The following EIF2B5 variants were observed in gnomAD, a reference collection of about 807,000 sequenced individuals.
EIF2B5 encodes the protein eukaryotic translation initiation factor 2B subunit epsilon.
Under a neutral mutation model 87.3 loss-of-function variants are expected in EIF2B5, and 38 were observed. That is an observed-to-expected ratio of 0.44 (90% CI 0.34 to 0.57). EIF2B5 has a LOEUF of 0.57. Ranked by LOEUF, EIF2B5 falls within the 20% of genes least tolerant of loss-of-function variation. The probability of loss-of-function intolerance (pLI) is 0.02; values close to 1 mark genes in which losing one functional copy is unlikely to be tolerated. For missense variants in EIF2B5, 784 were observed against 909.5 expected, an observed-to-expected ratio of 0.86 and a Z score of 1.78; for synonymous variants, 313 against 339.6, an observed-to-expected ratio of 0.92 and a Z score of 0.86.
At chr3:184,143,413 G>A in intron 12 of EIF2B5, 29 bp from the exon 13 acceptor site, 1 of 1,614,084 alleles carries the variant, frequency 6.2e-7, no homozygotes, top group Middle Eastern at 1.6e-4. Flanking sequence ...GCCAGTGAAG[G>A]CCCTGGTGTC....
intron 13 of EIF2B5, 22 bp downstream of exon 13, chr3:184,143,587 G>A: frequency 1.2e-6 from 2 of 1,614,186 alleles, no homozygotes; most frequent in Non-Finnish European, 1.7e-6. Flanking sequence ...TTGGAGCTGA[G>A]TACAAGGGAT....
chr3:184,135,786 C>A, intron 1 of EIF2B5: 1 of 662,714 alleles, frequency 1.5e-6, no homozygotes, highest in Non-Finnish European at 2.6e-6. Context: ...GTAATGCTGT[C>A]CACCTCGGGT....
intron 5 of EIF2B5, 73 bp from the exon 6 acceptor site, chr3:184,140,006 GA>G: frequency 8.0e-7 from 1 of 1,243,770 alleles, no homozygotes. Flanking sequence ...CTGGGCAACA[GA>G]GCTAGACTTG....
rs543846542 is a variant in EIF2B5, at chr3:184,144,694, G to T, written c.2093G>T (p.Arg698Leu). ...RDTTDKGQQL[R>L]KNQQLQRFIQ... ...ACAACTGACAAGGGCCAGCAGTTGC[G>T]CAAGAATCAACAGGTGCGTCAGGCT... The change falls in exon 15 of 16, where the codon CGC becomes CTC. Residue 698 changes from arginine (R) to leucine (L), a missense_variant. Physicochemically the swap from Arg to Leu is moderately radical, Grantham distance 102. Around this residue, in one of 3 missense-constraint regions of EIF2B5, gnomAD observed 660 missense variants for 789.5 expected, o/e 0.84. Coordinates refer to ENST00000648915, the MANE Select transcript of EIF2B5 (RefSeq NM_003907.3). 3 of 1,613,730 alleles carry T rather than the reference G, an allele frequency of 1.9e-6. No homozygotes were observed. The highest frequency in any genetic ancestry group is 2.5e-6 in the Non-Finnish European group (3 of 1,179,834).
Position 184,142,556 on chromosome 3 carries a change from C to T in EIF2B5, c.1499C>T (p.Ala500Val). The T allele has an allele frequency of 6.8e-6, 11 of 1,614,134 alleles. No individual in the cohort carries two copies. The highest frequency in any genetic ancestry group is 7.6e-6 in the Non-Finnish European group (9 of 1,180,020). ...GGCAAGGGCTACCTCTGGAAAGCTG[C>T]AGGCATGAACATGGAGGAAGAGGAG... is the stretch of plus-strand genomic sequence containing the variant. ...AAGKGYLWKA[A>V]GMNMEEEEEL... Residue 500 changes from alanine (A) to valine (V), a missense_variant, in exon 10 of 16, where the codon GCA becomes GTA. Physicochemically the swap from Ala to Val is moderately conservative, Grantham distance 64 (BLOSUM62 0). Transcript: ENST00000648915. The surrounding 1 kb of genome is among the most constrained non-coding windows in gnomAD (Gnocchi z 5.0).
intron 7 of EIF2B5, 138 bp from the exon 8 acceptor site, chr3:184,141,787 G>A: frequency 9.1e-7 from 1 of 1,094,760 alleles, no homozygotes; most frequent in Admixed American, 2.0e-5. Context: ...GTGAGTGGGT[G>A]TTTCTGGTGA....
At chr3:184,136,817 TGA>T (rs2109006451) in intron 2 of EIF2B5, 81 bp downstream of exon 2, 4 of 1,591,342 alleles carry the variant, frequency 2.5e-6, no homozygotes, top group East Asian at 2.2e-5. Context: ...AGGGGAAATG[TGA>T]GAGGGGAAAA....
intron 12 of EIF2B5, 126 bp downstream of exon 12, chr3:184,143,268 T>C: frequency 4.1e-6 from 6 of 1,464,442 alleles, no homozygotes; most frequent in East Asian, 2.4e-5. Flanking sequence ...CCAGTAGTAT[T>C]TGGAGCAAGG....
chr3:184,141,876 C>A, intron 7 of EIF2B5, 49 bp from the exon 8 acceptor site: 2 of 1,612,488 alleles, frequency 1.2e-6, no homozygotes, highest in South Asian at 2.2e-5. Context: ...GGGCTCTGCT[C>A]TGCGGTTGGA....
intron 5 of EIF2B5, among the ~76,000 whole-genome samples, chr3:184,138,603 T>C (rs1380571185): frequency 5.3e-5 from 8 of 151,918 alleles, no homozygotes; most frequent in Admixed American, 4.6e-4. Context: ...GATCTACCTG[T>C]CTCAGCCTCC....
Position 184,142,857 on chromosome 3 carries a change from G to C in EIF2B5, c.1625G>C (p.Gly542Ala), listed in dbSNP as rs765352143. ...GATTCTGAGGAGCCGGACAGCCGGG[G>C]AGGCTCCCCTCAGATGGATGACATC... Reference protein sequence around the residue: ...SMDSEEPDSRGGSPQMDDIKV... With the variant: ...SMDSEEPDSRAGSPQMDDIKV... Residue 542 changes from glycine to alanine, a missense_variant, in exon 11 of 16, where the codon GGA becomes GCA. This residue lies in a region of EIF2B5 where 660 missense variants were observed against 789.5 expected (regional missense o/e 0.84). Coordinates refer to ENST00000648915, the MANE Select transcript of EIF2B5 (RefSeq NM_003907.3). This position sits in a 1 kb window ranked among gnomAD's most constrained non-coding sequence, Gnocchi z 5.0. 3.1e-6 allele frequency: 5 copies of C among 1,614,040 alleles called. No individual in the cohort carries two copies. In the Admixed American group the frequency reaches 8.3e-5, roughly 27 times the overall value.
chr3:184,143,747 C>T, intron 13 of EIF2B5, 182 bp downstream of exon 13: 1 of 879,536 alleles, frequency 1.1e-6, no homozygotes, highest in Non-Finnish European at 1.8e-6. Context: ...TCAATACTGA[C>T]TGGCCTTTGA....
rs770642174 is a variant in EIF2B5 at position 184,138,267 on chromosome 3, G to A, written c.765+21G>A. On this transcript the variant is annotated intron_variant, in intron 5 of 15. Coordinates refer to ENST00000648915, the MANE Select transcript of EIF2B5 (RefSeq NM_003907.3). ...CTCAGGTGAGCTCTTTAGGGCTGGG[G>A]CTGCACACCCAAAGAGTAGAACTCT... 3.1e-6 allele frequency: 5 copies of A among 1,608,834 alleles called. No homozygotes were observed. In the South Asian group the frequency reaches 3.3e-5, roughly 11 times the overall value.
chr3:184,142,533 C>G lies in EIF2B5; in HGVS notation c.1476C>G (p.Gly492=). The change falls in exon 10 of 16, where the codon GGC becomes GGG. Residue 492 remains glycine (G), a synonymous_variant. Coordinates refer to ENST00000648915, the MANE Select transcript of EIF2B5 (RefSeq NM_003907.3). This position sits in a 1 kb window ranked among gnomAD's most constrained non-coding sequence, Gnocchi z 5.0. ...ATCCAGCAGAAGTAGGAGCTGCTGG[C>G]AAGGGCTACCTCTGGAAAGCTGCAG... The part of the protein sequence containing the change: ...GYNPAEVGAA[G]KGYLWKAAGM... 1 of 1,614,134 alleles carries G rather than the reference C, an allele frequency of 6.2e-7. No homozygotes were observed. The highest frequency in any genetic ancestry group is 8.5e-7 in the Non-Finnish European group (1 of 1,180,026).
chr3:184,142,964 G>C lies in EIF2B5; in HGVS notation c.1654+78G>C. ...ACTAGCCAGAGGCTTACGTTCCTCA[G>C]AAAGGGTTTGGTATCGAGTCAAGAC... is the stretch of plus-strand genomic sequence containing the variant. On this transcript the variant is annotated intron_variant, in intron 11 of 15. Transcript: ENST00000648915. This position sits in a 1 kb window ranked among gnomAD's most constrained non-coding sequence, Gnocchi z 5.0. The C allele has an allele frequency of 6.4e-7, 1 of 1,574,732 alleles. No individual in the cohort carries two copies. The highest frequency in any genetic ancestry group is 8.7e-7 in the Non-Finnish European group (1 of 1,151,742).
Position 184,140,561 on chromosome 3 carries a change from C to T in EIF2B5, c.987C>T (p.Asp329=), listed in dbSNP as rs368501008. ...YPLTPEANFT[D]STTQSCTHSR... is the part of the protein sequence containing the mutation. ...TCACCCCAGAGGCGAACTTCACTGA[C>T]AGCACCACCCAGAGCTGCACTCATT... Residue 329 remains aspartate, a synonymous_variant, in exon 7 of 16, where the codon GAC becomes GAT. Transcript: ENST00000648915. 4 of 1,614,222 alleles carry T rather than the reference C, an allele frequency of 2.5e-6. No homozygotes were observed. The highest frequency in any genetic ancestry group is 3.4e-6 in the Non-Finnish European group (4 of 1,180,050).
In EIF2B5 at chr3:184,135,461, G is replaced by A; in HGVS notation, c.76G>A (p.Gly26Ser). ...ANKRSGAGPG[G>S]SGGGGARGAE... The stretch of plus-strand genomic sequence containing the variant: ...CAAGCGCAGCGGCGCGGGGCCGGGA[G>A]GCAGCGGTGGCGGGGGAGCCAGAGG... Residue 26 changes from glycine (G) to serine (S), a missense_variant, in exon 1 of 16, where the codon GGC (glycine) becomes AGC (serine). Gly to Ser is a moderately conservative substitution (Grantham distance 56). Coordinates refer to ENST00000648915, the MANE Select transcript of EIF2B5 (RefSeq NM_003907.3). The A allele has an allele frequency of 6.3e-7, 1 of 1,580,542 alleles. No individual in the cohort carries two copies. The highest frequency in any genetic ancestry group is 8.6e-7 in the Non-Finnish European group (1 of 1,164,126).
intron 1 of EIF2B5, among the ~76,000 whole-genome samples, chr3:184,136,165 AG>A (rs956582277): frequency 6.6e-6 from 1 of 152,204 alleles, no homozygotes; most frequent in Admixed American, 6.5e-5. Flanking sequence ...ATTGGATTTA[AG>A]GAAAATCCTC....
chr3:184,135,497 G>C lies in EIF2B5; in HGVS notation c.112G>C (p.Glu38Gln). ...CGGGGGAGCCAGAGGGGCGGAGGAG[G>C]AACCGCCGCCGCCCCTACAAGCAGT... ...GGGGARGAEE[E>Q]PPPPLQAVLV... The change falls in exon 1 of 16, where the codon GAA becomes CAA. Residue 38 changes from glutamate to glutamine, a missense_variant. By Grantham distance (29) the Glu-to-Gln change is conservative. Transcript: ENST00000648915. 1 of 1,580,572 alleles carries C rather than the reference G, an allele frequency of 6.3e-7. No individual in the cohort carries two copies. Among genetic ancestry groups the C allele is most frequent in the Non-Finnish European group, 8.6e-7 (1 of 1,164,412 alleles).
Sources: gnomAD v4.1 joint callset for allele counts (sites outside exome capture counted in the v4.1 genomes callset) on GRCh38, gnomAD v4.1.1 for gene constraint, gnomAD v4.1.1 regional missense constraint, Gnocchi (gnomAD v3.1) non-coding constraint, MANE v1.5 for transcripts, NCBI Gene and HGNC (gene_info 2026-07-23, HGNC 2026-07-21) for gene names.